EPHB2: variants seen among roughly 807,000 people sequenced by gnomAD.
The protein encoded by EPHB2 is EPH receptor B2.
Under a neutral mutation model 96.4 loss-of-function variants are expected in EPHB2, and 18 were observed. The ratio of observed to expected loss-of-function variants is 0.19; its 90% CI spans 0.13 to 0.28. The LOEUF (loss-of-function observed/expected upper bound fraction) is 0.28. EPHB2 is among the 10% of genes least tolerant of loss of function. The pLI, the probability that EPHB2 is intolerant of heterozygous loss-of-function variation, is 1.00. For missense variants in EPHB2, 989 were observed against 1,355.4 expected, an observed-to-expected ratio of 0.73 and a Z score of 4.25; for synonymous variants, 506 against 534.1, an observed-to-expected ratio of 0.95 and a Z score of 0.72.
chr1:22,750,474 C>T (rs1401944347), intron 1 of EPHB2, among the ~76,000 whole-genome samples: 1 of 152,178 alleles, frequency 6.6e-6, no homozygotes, highest in Non-Finnish European at 1.5e-5. Context: ...TCCAGGGGAA[C>T]ACGGAAATGG....
Position 22,841,857 on chromosome 1 carries a change from CG to C in EPHB2, c.812-21176del, listed in dbSNP as rs764410190. Among the ~76,000 whole-genome samples, 89 of 152,246 alleles carry C rather than the reference CG, an allele frequency of 5.8e-4. 1 individual carries two copies. The highest frequency in any genetic ancestry group is 1.2e-3 in the South Asian group (6 of 4,820). On this transcript the variant is annotated intron_variant, in intron 3 of 15. Coordinates refer to ENST00000374630, the MANE Select transcript of EPHB2 (RefSeq NM_017449.5). ...AGGAGGGATCCTGTTTTAATGCATG[CG>C]GGGTACAGACAGTGTAACATTTTGA...
chr1:22,883,822 G>T (rs1440516679), intron 6 of EPHB2, among the ~76,000 whole-genome samples: 1 of 152,184 alleles, frequency 6.6e-6, no homozygotes, highest in Non-Finnish European at 1.5e-5. Context: ...GAGGTCAGGG[G>T]CTACGTCTCC....
At chr1:22,791,589 T>TA (rs955749170) in intron 3 of EPHB2, among the ~76,000 whole-genome samples, 5 of 151,910 alleles carry the variant, frequency 3.3e-5, no homozygotes, top group African/African-American at 1.2e-4. Flanking sequence ...GTGTTGGAAT[T>TA]ATAGGCATGA....
chr1:22,882,721 C>G (rs1306552390), intron 6 of EPHB2: 2 of 488,506 alleles, frequency 4.1e-6, no homozygotes, highest in South Asian at 2.0e-5. Flanking sequence ...GAGGATACAC[C>G]CAGCAATCTC....
intron 3 of EPHB2, among the ~76,000 whole-genome samples, chr1:22,825,756 G>A (rs1005278717): frequency 6.6e-6 from 1 of 152,256 alleles, no homozygotes; most frequent in Non-Finnish European, 1.5e-5. Context: ...GGAACTAGCT[G>A]AGGAGGCAGT....
chr1:22,802,742 G>A (rs12564658), intron 3 of EPHB2, among the ~76,000 whole-genome samples: 95,736 of 151,918 alleles, frequency 0.63, 32,240 homozygotes, highest in East Asian at 0.77. Flanking sequence ...CATCTGAGGA[G>A]GTGGATTTCA....
At chr1:22,774,763 C>T (rs1644424922) in intron 1 of EPHB2, 1 of 294,860 alleles carries the variant, frequency 3.4e-6, no homozygotes, top group African/African-American at 2.3e-5. Context: ...CACCCAGCTG[C>T]TGTGTGGAGG....
At chr1:22,802,379 G>A (rs1644857204) in intron 3 of EPHB2, among the ~76,000 whole-genome samples, 1 of 152,076 alleles carries the variant, frequency 6.6e-6, no homozygotes, top group African/African-American at 2.4e-5. Context: ...CTCTTCATTT[G>A]CAAAACACTT....
At chr1:22,788,561 C>T (rs905157478) in intron 3 of EPHB2, among the ~76,000 whole-genome samples, 1 of 152,130 alleles carries the variant, frequency 6.6e-6, no homozygotes, top group Non-Finnish European at 1.5e-5. Flanking sequence ...TAACATTGGC[C>T]AAGTGCTTTC....
intron 3 of EPHB2, among the ~76,000 whole-genome samples, chr1:22,837,046 G>T (rs1645396045): frequency 1.3e-5 from 2 of 152,222 alleles, no homozygotes; most frequent in South Asian, 4.1e-4. Context: ...CTACACGGCG[G>T]GGGAGGGGGG....
Position 22,805,718 on chromosome 1 carries a change from G to A in EPHB2, c.811+20642G>A, listed in dbSNP as rs140730128. ...GAGGGTGAGAATCAGGCAGGTGCAT[G>A]TACATGTGTGTATGAGAGAGAGAGA... On this transcript the variant is annotated intron_variant, in intron 3 of 15. Coordinates refer to ENST00000374630, the MANE Select transcript of EPHB2 (RefSeq NM_017449.5). Among the ~76,000 whole-genome samples the A allele has an allele frequency of 3.6e-3, 543 of 152,310 alleles. 2 individuals are homozygous for A. Among genetic ancestry groups the A allele is most frequent in the African/African-American group, 0.012 (516 of 41,560 alleles).
At chr1:22,813,530 C>T (rs1645031891) in intron 3 of EPHB2, among the ~76,000 whole-genome samples, 1 of 152,196 alleles carries the variant, frequency 6.6e-6, no homozygotes, top group African/African-American at 2.4e-5. Context: ...AGATGAGCAG[C>T]TGAGGTGGGT....
At chr1:22,804,397 A>G (rs904177447) in intron 3 of EPHB2, among the ~76,000 whole-genome samples, 6 of 152,176 alleles carry the variant, frequency 3.9e-5, no homozygotes, top group African/African-American at 1.4e-4. Flanking sequence ...TGTATTAAAT[A>G]TGAATTAATC....
intron 1 of EPHB2, among the ~76,000 whole-genome samples, chr1:22,757,868 CAAAAAAAA>C: frequency 7.0e-6 from 1 of 142,162 alleles, no homozygotes; most frequent in East Asian, 2.1e-4. Context: ...TTCCCCCCAG[CAAAAAAAA>C]ATCAGACCAT....
chr1:22,716,527 C>CG (rs1188510382), intron 1 of EPHB2, among the ~76,000 whole-genome samples: 4 of 152,052 alleles, frequency 2.6e-5, no homozygotes, highest in Admixed American at 6.5e-5. Context: ...GGAGACGGGG[C>CG]GGGGGTTCAC....
At chr1:22,775,126 T>C in intron 1 of EPHB2, 1 of 770,260 alleles carries the variant, frequency 1.3e-6, no homozygotes, top group Middle Eastern at 2.4e-4. Flanking sequence ...CTGATGACTT[T>C]GTTGTTTTGT....
rs140672493 is a variant in EPHB2 at position 22,761,888 on chromosome 1, G to A, written c.62-19533G>A. Among the ~76,000 whole-genome samples the A allele has an allele frequency of 3.4e-3, 513 of 152,334 alleles. 4 individuals are homozygous for A. The highest frequency in any genetic ancestry group is 0.012 in the African/African-American group (487 of 41,578). On this transcript the variant is annotated intron_variant, in intron 1 of 15. Coordinates refer to ENST00000374630, the MANE Select transcript of EPHB2 (RefSeq NM_017449.5). ...CCGAGGGACTTGGTTGCCAGCTCTGGCTCCCCAGCAGAGGGAGGGGGGCGT... is the reference window on the plus strand; with the variant it reads ...CCGAGGGACTTGGTTGCCAGCTCTGACTCCCCAGCAGAGGGAGGGGGGCGT...
Position 22,906,605 on chromosome 1 carries a change from AG to A in EPHB2, c.1889-104del. The A allele has an allele frequency of 6.4e-7, 1 of 1,557,488 alleles. No individual in the cohort carries two copies. On this transcript the variant is annotated intron_variant, in intron 10 of 15. Coordinates refer to ENST00000374630, the MANE Select transcript of EPHB2 (RefSeq NM_017449.5). The surrounding 1 kb of genome is among the most constrained non-coding windows in gnomAD (Gnocchi z 4.8). ...TGCAAGGATGAGTGGGCCATTGAGA[AG>A]AAAATGTACCTGCAGGCCCCGTGAG...
rs1570477114 is a variant in EPHB2, at chr1:22,914,131, C to T, written c.*561C>T. The T allele has an allele frequency of 2.4e-5, 11 of 453,070 alleles. No homozygotes were observed. The East Asian group carries it at 4.0e-4, about 16-fold the overall frequency. The allele number at this position is 453,070 out of a possible 1,614,324, so 28.1% of individuals were successfully genotyped here. On this transcript the variant is annotated 3_prime_UTR_variant, in exon 16 of 16. Coordinates refer to ENST00000374630, the MANE Select transcript of EPHB2 (RefSeq NM_017449.5). ...CCTCTGGGAAAATCTATTCCTGCCA[C>T]CACTGGGCAAACAGAAGAATTTTTC... is the stretch of plus-strand genomic sequence containing the variant.
Sources: allele counts gnomAD v4.1 joint callset (sites outside exome capture counted in the v4.1 genomes callset), GRCh38; gene constraint gnomAD v4.1.1; non-coding constraint Gnocchi (gnomAD v3.1); transcripts MANE v1.5; gene names NCBI Gene and HGNC (gene_info 2026-07-23, HGNC 2026-07-21).